CENPF: variants seen among roughly 807,000 people sequenced by gnomAD.
CENPF encodes AH antigen.
Under a neutral mutation model 307.3 loss-of-function variants are expected in CENPF, and 214 were observed. That is an observed-to-expected ratio of 0.70 (90% CI 0.62 to 0.78). The LOEUF (loss-of-function observed/expected upper bound fraction) is 0.78, where lower values mean the gene tolerates loss of function less well. Among genes scored for constraint, CENPF ranks in the 30% least tolerant of loss-of-function variants. The pLI, the probability that CENPF is intolerant of heterozygous loss-of-function variation, is 0.00. For synonymous variants in CENPF, 1,259 were observed against 1,270.6 expected, an observed-to-expected ratio of 0.99 and a Z score of 0.19; for missense variants, 3,401 against 3,483.9, an observed-to-expected ratio of 0.98 and a Z score of 0.60.
rs755070987 is a variant in CENPF at position 214,645,984 on chromosome 1, C to T, written c.6414C>T (p.Ile2138=). The T allele has an allele frequency of 3.5e-5, 56 of 1,613,888 alleles. No homozygotes were observed. Among genetic ancestry groups the T allele is most frequent in the Admixed American group, 1.0e-4 (6 of 59,992 alleles). The change falls in exon 13 of 20, where the codon ATC becomes ATT. Residue 2138 remains isoleucine (I), a synonymous_variant. Transcript: ENST00000366955. The stretch of plus-strand genomic sequence containing the variant: ...CCGATGAAAAGAAGCAGCTGCACAT[C>T]GCAGAGAAACTGAAAGAACGCGAGC... ...IEADEKKQLH[I]AEKLKERERE... is the part of the protein sequence containing the mutation.
In CENPF at chr1:214,642,207, A is replaced by C. The variant is rs759096944; in HGVS notation, c.3869A>C (p.Gln1290Pro). ...AGTCAAAACGACAATGCACACCTTC[A>C]GTGCTCTCTGCAAACAACAATGAAC... ...STSQNDNAHL[Q>P]CSLQTTMNKL... The change falls in exon 12 of 20, where the codon CAG becomes CCG. Residue 1290 changes from glutamine to proline, a missense_variant. Gln to Pro is a moderately conservative substitution (Grantham distance 76). Transcript: ENST00000366955. 1 of 1,614,178 alleles carries C rather than the reference A, an allele frequency of 6.2e-7. No individual in the cohort carries two copies. Among genetic ancestry groups the C allele is most frequent in the Non-Finnish European group, 8.5e-7 (1 of 1,180,022 alleles).
chr1:214,616,807 TTTCC>T (rs934135502), intron 3 of CENPF, among the ~76,000 whole-genome samples: 5 of 149,692 alleles, frequency 3.3e-5, no homozygotes, highest in African/African-American at 7.6e-5. Flanking sequence ...TGTTTCTTTC[TTTCC>T]TTCCTTCCTT....
chr1:214,660,006 A>G (rs1486490391), intron 19 of CENPF, among the ~76,000 whole-genome samples: 1 of 152,188 alleles, frequency 6.6e-6, no homozygotes, highest in Non-Finnish European at 1.5e-5. Flanking sequence ...CTATTTGTGT[A>G]ATGTGATAAT....
chr1:214,646,773 A>G lies in CENPF; in HGVS notation c.7203A>G (p.Leu2401=), dbSNP rs775173786. Reference sequence around the variant, plus strand: ...AAAAAGAAAATCTGACAAATGAATTACAAAAAGAGCAAGAGCGAATATCTG... The same window carrying G: ...AAAAAGAAAATCTGACAAATGAATTGCAAAAAGAGCAAGAGCGAATATCTG... ...RSEKENLTNE[L]QKEQERISEL... is the part of the protein sequence containing the mutation. Residue 2401 remains leucine, a synonymous_variant, in exon 13 of 20, where the codon TTA becomes TTG. Coordinates refer to ENST00000366955, the MANE Select transcript of CENPF (RefSeq NM_016343.4). 6.2e-7 allele frequency: 1 copy of G among 1,613,024 alleles called. No individual in the cohort carries two copies.
At chr1:214,607,763 C>T (rs1272212433) in intron 1 of CENPF, among the ~76,000 whole-genome samples, 1 of 152,150 alleles carries the variant, frequency 6.6e-6, no homozygotes, top group Non-Finnish European at 1.5e-5. Flanking sequence ...GGGCTGGGGA[C>T]CTGGATGACT....
rs770489014 is a variant in CENPF, at chr1:214,646,763, CAAAT to C, written c.7194_7197del (p.Glu2400TyrfsTer11). 4 of 1,612,998 alleles carry C rather than the reference CAAAT, an allele frequency of 2.5e-6. No homozygotes were observed. Among genetic ancestry groups the C allele is most frequent in the South Asian group, 2.2e-5 (2 of 90,926 alleles). On this transcript the variant is annotated frameshift_variant, in exon 13 of 20. Transcript: ENST00000366955. LOFTEE classifies it high-confidence loss of function. ...ATAAGGTCAGAAAAAGAAAATCTGACAAATGAATTACAAAAAGAGCAAGAGCGAA... is the reference window on the plus strand; with the variant it reads ...ATAAGGTCAGAAAAAGAAAATCTGACGAATTACAAAAAGAGCAAGAGCGAA...
At position 214,657,286 on chromosome 1, in the gene CENPF, C is replaced by A. The variant is rs566673745; in HGVS notation, c.8839C>A (p.Pro2947Thr). 139 of 1,613,934 alleles carry A rather than the reference C, an allele frequency of 8.6e-5. No homozygotes were observed. Among genetic ancestry groups the A allele is most frequent in the Non-Finnish European group, 1.1e-4 (128 of 1,180,002 alleles). The change falls in exon 18 of 20, where the codon CCT becomes ACT. Residue 2947 changes from proline (P) to threonine (T), a missense_variant. Pro to Thr is a conservative substitution (Grantham distance 38). Coordinates refer to ENST00000366955, the MANE Select transcript of CENPF (RefSeq NM_016343.4). ...GIWENGRGPT[P>T]ATPESFSKKS... ...ATGGGAGAATGGTAGAGGACCAACA[C>A]CTGCTACCCCAGAGAGCTTTTCTAA...
intron 1 of CENPF, chr1:214,613,196 A>G (rs900920049): frequency 8.0e-6 from 2 of 250,112 alleles, no homozygotes; most frequent in Admixed American, 8.1e-5. Flanking sequence ...GATACATTCT[A>G]TTTTAAGGCT....
chr1:214,654,360 G>A (rs12123828), intron 16 of CENPF: 59,162 of 152,156 alleles, frequency 0.39, 13,281 homozygotes, highest in Non-Finnish European at 0.53. Flanking sequence ...ATCACTTGAG[G>A]CCAGGAATTT....
chr1:214,636,156 T>C (rs10082252), intron 10 of CENPF, among the ~76,000 whole-genome samples: 1,702 of 152,330 alleles, frequency 0.011, 45 homozygotes, highest in African/African-American at 0.039. Context: ...GAAATACTAC[T>C]AATAATGCTA....
chr1:214,618,177 T>G (rs1036229701), intron 3 of CENPF, among the ~76,000 whole-genome samples: 1 of 152,122 alleles, frequency 6.6e-6, no homozygotes, highest in Non-Finnish European at 1.5e-5. Flanking sequence ...GCCCCCATGA[T>G]TCAATCACCT....
At position 214,640,917 on chromosome 1, in the gene CENPF, AAGG is replaced by A; in HGVS notation, c.2582_2584del (p.Gly861del). 1 of 1,608,012 alleles carries A rather than the reference AAGG, an allele frequency of 6.2e-7. No homozygotes were observed. The highest frequency in any genetic ancestry group is 8.5e-7 in the Non-Finnish European group (1 of 1,178,636). The stretch of plus-strand genomic sequence containing the variant: ...CAGTGTGAAGAGTTGGTGCAAATCA[AAGG>A]AGAAATAGAAGAAAATCTCATGAAA... On this transcript the variant is annotated inframe_deletion, in exon 12 of 20. Transcript: ENST00000366955.
At position 214,646,011 on chromosome 1, in the gene CENPF, G is replaced by A. The variant is rs1658288327; in HGVS notation, c.6441G>A (p.Arg2147=). 1.9e-6 allele frequency: 3 copies of A among 1,613,910 alleles called. No homozygotes were observed. The highest frequency in any genetic ancestry group is 1.7e-5 in the Admixed American group (1 of 60,002). The change falls in exon 13 of 20, where the codon CGG becomes CGA. Residue 2147 remains arginine, a synonymous_variant. Transcript: ENST00000366955. The part of the protein sequence containing the change: ...HIAEKLKERE[R]ENDSLKDKVE... Reference sequence around the variant, plus strand: ...CAGAGAAACTGAAAGAACGCGAGCGGGAGAATGATTCACTTAAGGATAAAG... The same window carrying A: ...CAGAGAAACTGAAAGAACGCGAGCGAGAGAATGATTCACTTAAGGATAAAG...
chr1:214,625,275 C>G lies in CENPF; in HGVS notation c.1068+2994C>G, dbSNP rs541985899. 2.0e-4 allele frequency among the ~76,000 whole-genome samples: 30 copies of G among 152,118 alleles called. No homozygotes were observed. In the South Asian group the frequency reaches 5.6e-3, roughly 28 times the overall value. ...TGTCACCCAGGCTGGAGTGCAGAGG[C>G]GTGATCTCAGCTCACTGCAATCTCT... On this transcript the variant is annotated intron_variant, in intron 7 of 19. Coordinates refer to ENST00000366955, the MANE Select transcript of CENPF (RefSeq NM_016343.4).
Position 214,641,257 on chromosome 1 carries a change from C to G in CENPF, c.2919C>G (p.Thr973=). The stretch of plus-strand genomic sequence containing the variant: ...ATAAAAGGGAAATTGAAGAGCTGAC[C>G]CAAGAGAATGGGACTCTTAAGGAAA... ...SLNKREIEEL[T]QENGTLKEIN... Residue 973 remains threonine (T), a synonymous_variant, in exon 12 of 20, where the codon ACC becomes ACG. Coordinates refer to ENST00000366955, the MANE Select transcript of CENPF (RefSeq NM_016343.4). 6.2e-7 allele frequency: 1 copy of G among 1,602,334 alleles called. No homozygotes were observed. The highest frequency in any genetic ancestry group is 1.1e-5 in the South Asian group (1 of 87,956).
Position 214,646,122 on chromosome 1 carries a change from A to G in CENPF, c.6552A>G (p.Val2184=). 6.2e-7 allele frequency: 1 copy of G among 1,614,116 alleles called. No homozygotes were observed. Among genetic ancestry groups the G allele is most frequent in the Non-Finnish European group, 8.5e-7 (1 of 1,180,034 alleles). ...ILDAENSKAE[V]ETLKTQIEEM... The stretch of plus-strand genomic sequence containing the variant: ...ATGCCGAGAATTCCAAAGCAGAAGT[A>G]GAGACTCTAAAAACACAAATAGAAG... The change falls in exon 13 of 20, where the codon GTA becomes GTG. Residue 2184 remains valine (V), a synonymous_variant. Coordinates refer to ENST00000366955, the MANE Select transcript of CENPF (RefSeq NM_016343.4).
At chr1:214,637,709 A>G (rs1277739548) in intron 10 of CENPF, among the ~76,000 whole-genome samples, 157 bp from the exon 11 acceptor site, 2 of 152,184 alleles carry the variant, frequency 1.3e-5, no homozygotes, top group Non-Finnish European at 2.9e-5. Flanking sequence ...TATTTAAGTA[A>G]GAATGTCTGA....
chr1:214,646,036 G>A lies in CENPF; in HGVS notation c.6466G>A (p.Val2156Ile). 6.2e-7 allele frequency: 1 copy of A among 1,614,068 alleles called. No individual in the cohort carries two copies. Reference sequence around the variant, plus strand: ...GGAGAATGATTCACTTAAGGATAAAGTTGAGAACCTTGAAAGGGAATTGCA... The same window carrying A: ...GGAGAATGATTCACTTAAGGATAAAATTGAGAACCTTGAAAGGGAATTGCA... The part of the protein sequence containing the change: ...ERENDSLKDK[V>I]ENLERELQMS... The change falls in exon 13 of 20, where the codon GTT becomes ATT. Residue 2156 changes from valine (V) to isoleucine (I), a missense_variant. Coordinates refer to ENST00000366955, the MANE Select transcript of CENPF (RefSeq NM_016343.4).
In CENPF at chr1:214,618,656, T is replaced by G. The variant is rs1308590760; in HGVS notation, c.443T>G (p.Ile148Ser). ...SLNPCNTPQK[I>S]FTTPLTPSQY... ...AATCCATGCAATACACCACAAAAAA[T>G]TTTTACAACTCCACTAACACCAAGT... is the stretch of plus-strand genomic sequence containing the variant. Residue 148 changes from isoleucine to serine, a missense_variant, in exon 4 of 20, where the codon ATT becomes AGT. Coordinates refer to ENST00000366955, the MANE Select transcript of CENPF (RefSeq NM_016343.4). The G allele has an allele frequency of 3.1e-6, 5 of 1,613,740 alleles. No homozygotes were observed. Among genetic ancestry groups the G allele is most frequent in the Non-Finnish European group, 4.2e-6 (5 of 1,179,834 alleles).
Sources: allele counts gnomAD v4.1 joint callset (sites outside exome capture counted in the v4.1 genomes callset), GRCh38; gene constraint gnomAD v4.1.1; transcripts MANE v1.5; gene names NCBI Gene and HGNC (gene_info 2026-07-23, HGNC 2026-07-21).